The following EPB41L3 variants were observed in gnomAD, a reference collection of about 807,000 sequenced individuals.
EPB41L3 encodes band 4.1-like protein 3.
Under a neutral mutation model 127.1 loss-of-function variants are expected in EPB41L3, and 57 were observed. The observed-to-expected ratio is 0.45, with a 90% CI of 0.36 to 0.56. The LOEUF (loss-of-function observed/expected upper bound fraction) is 0.56. Ranked by LOEUF, EPB41L3 falls within the 20% of genes least tolerant of loss-of-function variation. The pLI is 0.00. For synonymous variants in EPB41L3, 572 were observed against 549.5 expected, an observed-to-expected ratio of 1.04 and a Z score of -0.57; for missense variants, 1,273 against 1,372.2, an observed-to-expected ratio of 0.93 and a Z score of 1.14.
intron 14 of EPB41L3, among the ~76,000 whole-genome samples, chr18:5,409,366 C>A (rs2075903537): frequency 6.6e-6 from 1 of 152,102 alleles, no homozygotes; most frequent in Admixed American, 6.6e-5. Context: ...ATGAAATTTA[C>A]TGGATGTACT....
Position 5,396,234 on chromosome 18 carries a change from G to C in EPB41L3, c.2940C>G (p.Thr980=). 1.2e-6 allele frequency: 2 copies of C among 1,614,156 alleles called. No homozygotes were observed. The highest frequency in any genetic ancestry group is 1.1e-5 in the South Asian group (1 of 91,086). The part of the protein sequence containing the change: ...ISTKEVPVVH[T]ETKTITYESS... Reference sequence around the variant, plus strand: ...ATTCATATGTGATGGTTTTGGTTTCGGTGTGAACTACTGGCACTTCCTTCG... The same window carrying C: ...ATTCATATGTGATGGTTTTGGTTTCCGTGTGAACTACTGGCACTTCCTTCG... The change falls in exon 19 of 23, where the codon ACC becomes ACG. Residue 980 remains threonine, a synonymous_variant. Coordinates refer to ENST00000341928, the MANE Select transcript of EPB41L3 (RefSeq NM_012307.5).
chr18:5,469,239 C>T (rs937750250), intron 3 of EPB41L3, among the ~76,000 whole-genome samples: 11 of 152,230 alleles, frequency 7.2e-5, no homozygotes, highest in Admixed American at 1.3e-4. Flanking sequence ...GACCTAGAGC[C>T]TCCCTGAGCC....
intron 1 of EPB41L3, among the ~76,000 whole-genome samples, chr18:5,615,609 T>C (rs182755612): frequency 2.6e-5 from 4 of 152,192 alleles, no homozygotes; most frequent in Admixed American, 2.6e-4. Context: ...CCAGAAGTTG[T>C]GGGAAAGGCC....
intron 3 of EPB41L3, among the ~76,000 whole-genome samples, chr18:5,574,429 G>T (rs2094316777): frequency 6.8e-6 from 1 of 146,480 alleles, no homozygotes; most frequent in African/African-American, 2.5e-5. Context: ...ACCTCAACCT[G>T]ATTTTATTTA....
chr18:5,541,151 G>A (rs1435467201), intron 1 of EPB41L3, among the ~76,000 whole-genome samples: 1 of 145,332 alleles, frequency 6.9e-6, no homozygotes, highest in Non-Finnish European at 1.5e-5. Flanking sequence ...TACTCGGGAG[G>A]TTGAGGCAAA....
chr18:5,490,615 G>C (rs2090470857), intron 1 of EPB41L3, among the ~76,000 whole-genome samples: 1 of 152,182 alleles, frequency 6.6e-6, no homozygotes, highest in Non-Finnish European at 1.5e-5. Context: ...TCTGAATACA[G>C]AGAAAGGTAG....
At chr18:5,518,686 T>G (rs2148779072) in intron 1 of EPB41L3, 1 of 152,176 alleles carries the variant, frequency 6.6e-6, no homozygotes, top group African/African-American at 2.4e-5. Flanking sequence ...TTCTTAACAG[T>G]TTACTAGATG....
chr18:5,490,326 G>A (rs1406089748), intron 1 of EPB41L3, among the ~76,000 whole-genome samples: 1 of 152,130 alleles, frequency 6.6e-6, no homozygotes, highest in Admixed American at 6.5e-5. Context: ...GACTAGTGTA[G>A]TGCTTTAGGC....
intron 1 of EPB41L3, chr18:5,539,818 T>G (rs1381183813): frequency 6.6e-6 from 1 of 152,262 alleles, no homozygotes; most frequent in Non-Finnish European, 1.5e-5. Flanking sequence ...ACTAGAATTC[T>G]AAATTAGGAT....
chr18:5,562,476 T>C (rs769325753), intron 3 of EPB41L3, among the ~76,000 whole-genome samples: 13 of 152,168 alleles, frequency 8.5e-5, no homozygotes, highest in Non-Finnish European at 1.8e-4. Flanking sequence ...CCTCAACCAA[T>C]TATGAGCTGT....
intron 5 of EPB41L3, among the ~76,000 whole-genome samples, chr18:5,439,797 C>A (rs1320515376): frequency 2.0e-5 from 3 of 152,100 alleles, no homozygotes; most frequent in African/African-American, 7.2e-5. Context: ...TCAACGCTTG[C>A]CAGTGGTAAG....
At chr18:5,479,161 G>A (rs1039941033) in intron 2 of EPB41L3, among the ~76,000 whole-genome samples, 3 of 152,142 alleles carry the variant, frequency 2.0e-5, no homozygotes, top group African/African-American at 7.2e-5. Context: ...ACATTCTCCC[G>A]TATACCAATC....
intron 21 of EPB41L3, 48 bp from the exon 22 acceptor site, chr18:5,394,841 C>T (rs769674990): frequency 3.2e-6 from 5 of 1,558,558 alleles, no homozygotes; most frequent in Non-Finnish European, 4.4e-6. Context: ...GGAGGTGGAA[C>T]ATGCATGATC....
At chr18:5,488,034 A>C (rs1379744970) in intron 2 of EPB41L3, among the ~76,000 whole-genome samples, 1 of 152,164 alleles carries the variant, frequency 6.6e-6, no homozygotes, top group Non-Finnish European at 1.5e-5. Flanking sequence ...TTTGATTCCA[A>C]GTTTGAAGTT....
At chr18:5,463,043 C>T (rs1457563489) in intron 3 of EPB41L3, among the ~76,000 whole-genome samples, 1 of 152,154 alleles carries the variant, frequency 6.6e-6, no homozygotes, top group East Asian at 1.9e-4. Flanking sequence ...CCCACATCCC[C>T]CTAATATATC....
At chr18:5,434,738 T>C (rs1240234002) in intron 6 of EPB41L3, among the ~76,000 whole-genome samples, 1 of 152,268 alleles carries the variant, frequency 6.6e-6, no homozygotes, top group Non-Finnish European at 1.5e-5. Flanking sequence ...GTGCAGAACT[T>C]AATACTTGAT....
chr18:5,579,506 T>TA (rs2094370615), intron 3 of EPB41L3, among the ~76,000 whole-genome samples: 1 of 152,180 alleles, frequency 6.6e-6, no homozygotes. Flanking sequence ...AGGACCAAGA[T>TA]AAAAACAACA....
intron 3 of EPB41L3, among the ~76,000 whole-genome samples, chr18:5,458,276 C>T (rs1260753672): frequency 2.0e-5 from 3 of 152,288 alleles, no homozygotes; most frequent in African/African-American, 7.2e-5. Flanking sequence ...TAATGTTCCA[C>T]CTCAAACATC....
intron 3 of EPB41L3, chr18:5,463,478 T>C (rs1050024409): frequency 6.6e-6 from 1 of 152,344 alleles, no homozygotes; most frequent in Non-Finnish European, 1.5e-5. Flanking sequence ...GACCTAATCA[T>C]GTGAGCCCTT....
Sources: gnomAD v4.1 joint callset for allele counts (sites outside exome capture counted in the v4.1 genomes callset) on GRCh38, gnomAD v4.1.1 for gene constraint, MANE v1.5 for transcripts, NCBI Gene and HGNC (gene_info 2026-07-23, HGNC 2026-07-21) for gene names.